MUC5AC: variants seen among roughly 807,000 people sequenced by gnomAD.
The protein encoded by MUC5AC is mucin-5AC.
A neutral mutation model predicts 169.7 loss-of-function variants in MUC5AC; 158 were observed. That is an observed-to-expected ratio of 0.93 (90% confidence interval 0.82 to 1.06). The LOEUF is 1.06. MUC5AC is among the 50% of genes least tolerant of loss of function. The pLI is 0.00. For synonymous variants in MUC5AC, 1,975 were observed against 1,237.0 expected (o/e 1.60, Z -12.52); for missense variants, 4,359 against 3,089.9 (o/e 1.41, Z -9.74).
intron 41 of MUC5AC, 127 bp from the exon 42 acceptor site, chr11:1,197,776 A>C: frequency 1.6e-6 from 1 of 632,194 alleles, no homozygotes; most frequent in Non-Finnish European, 2.9e-6. Flanking sequence ...CCGCTTCCGC[A>C]ACAGCCTCAT....
At chr11:1,158,895 C>T (rs1386821692) in intron 1 of MUC5AC, among the ~76,000 whole-genome samples, 1 of 152,218 alleles carries the variant, frequency 6.6e-6, no homozygotes, top group Non-Finnish European at 1.5e-5. Flanking sequence ...CAAGAAGAAC[C>T]CTCTCCCGGT....
rs1369749249 is a variant in MUC5AC, at chr11:1,182,625, A to G, written c.4480A>G (p.Thr1494Ala). 1.8e-5 allele frequency: 7 copies of G among 398,932 alleles called. No homozygotes were observed. Among genetic ancestry groups the G allele is most frequent in the Admixed American group, 4.4e-5 (1 of 22,706 alleles). The allele number at this position is 398,932 out of a possible 1,614,324, so 24.7% of individuals were successfully genotyped here. Residue 1494 changes from threonine (T) to alanine (A), a missense_variant, in exon 31 of 49, where the codon ACT becomes GCT. Coordinates refer to ENST00000621226, the MANE Select transcript of MUC5AC (RefSeq NM_001304359.2). Reference protein sequence around the residue: ...SSSPAQTTPPTTSKTTETRAS... With the variant: ...SSSPAQTTPPATSKTTETRAS... ...CAGTCCAGCCCAGACCACTCCTCCA[A>G]CTACCTCCAAGACCACTGAAACCCG...
chr11:1,198,163 G>T, intron 42 of MUC5AC, 105 bp from the exon 43 acceptor site: 5 of 698,572 alleles, frequency 7.2e-6, no homozygotes, highest in South Asian at 5.9e-5. Flanking sequence ...AACCCCAGTG[G>T]CGAGCCCGGG....
chr11:1,188,852 C>G lies in MUC5AC; in HGVS notation c.10707C>G (p.Cys3569Trp). Residue 3569 changes from cysteine to tryptophan, a missense_variant, in exon 31 of 49, where the codon TGC becomes TGG. Cys to Trp is a radical substitution (Grantham distance 215, BLOSUM62 -2). Transcript: ENST00000621226. Reference sequence around the variant, plus strand: ...CTGAGGAGATCACCAGGCTCCAGTGCCGAGCCAAGAGCCACCCGGAGGTGA... The same window carrying G: ...CTGAGGAGATCACCAGGCTCCAGTGGCGAGCCAAGAGCCACCCGGAGGTGA... ...RRPEEITRLQ[C>W]RAKSHPEVSI... The G allele has an allele frequency of 1.3e-6, 1 of 763,248 alleles. No homozygotes were observed. The highest frequency in any genetic ancestry group is 2.4e-6 in the Non-Finnish European group (1 of 416,910). 47.3% of individuals were successfully genotyped at this position (763,248 alleles called of 1,614,324 possible).
rs1172867158 is a variant in MUC5AC, at chr11:1,176,607, G to A, written c.2596G>A (p.Val866Met). The A allele has an allele frequency of 2.0e-5, 8 of 399,018 alleles. No homozygotes were observed. Among genetic ancestry groups the A allele is most frequent in the Admixed American group, 8.8e-5 (2 of 22,748 alleles). The allele number at this position is 399,018 out of a possible 1,614,324, so 24.7% of individuals were successfully genotyped here. The change falls in exon 21 of 49, where the codon GTG (valine) becomes ATG (methionine). Residue 866 changes from valine (V) to methionine (M), a missense_variant. Val to Met is a conservative substitution (Grantham distance 21, BLOSUM62 1). Coordinates refer to ENST00000621226, the MANE Select transcript of MUC5AC (RefSeq NM_001304359.2). ...CATCACTGCGGAGGACTGCCCCTGC[G>A]TGCACAATGAGGCCAGCTACCGGGC... ...GCITAEDCPCVHNEASYRAGQ... is the reference protein window; with the variant it reads ...GCITAEDCPCMHNEASYRAGQ...
chr11:1,180,622 C>T (rs922360196), intron 28 of MUC5AC, 106 bp downstream of exon 28: 13 of 397,966 alleles, frequency 3.3e-5, no homozygotes, highest in East Asian at 2.5e-4. Flanking sequence ...GGGACCTCCC[C>T]GTTACTGGAG....
chr11:1,186,958 C>G lies in MUC5AC; in HGVS notation c.8813C>G (p.Thr2938Ser). 1 of 735,550 alleles carries G rather than the reference C, an allele frequency of 1.4e-6. No individual in the cohort carries two copies. Among genetic ancestry groups the G allele is most frequent in the South Asian group, 1.4e-5 (1 of 70,674 alleles). The allele number at this position is 735,550 out of a possible 1,614,324, so 45.6% of individuals were successfully genotyped here. A position where few individuals can be genotyped will look rare whatever the true frequency, so the allele number is the denominator to read the frequency against. ...TTTSTISVPT[T>S]STTSVPGTTP... ...ACCAGCACAATCTCTGTTCCTACAA[C>G]CAGCACAACTTCTGTTCCTGGAACT... Residue 2938 changes from threonine (T) to serine (S), a missense_variant, in exon 31 of 49, where the codon ACC (threonine) becomes AGC (serine). Transcript: ENST00000621226.
chr11:1,174,227 G>A (rs1466197383), intron 16 of MUC5AC, among the ~76,000 whole-genome samples: 1 of 152,270 alleles, frequency 6.6e-6, no homozygotes, highest in African/African-American at 2.4e-5. Flanking sequence ...TCTGAGGCAA[G>A]CTGGTCTTGG....
rs777497677 is a variant in MUC5AC at position 1,162,062 on chromosome 11, C to T, written c.367C>T (p.Arg123Cys). The T allele has an allele frequency of 9.3e-6, 15 of 1,612,408 alleles. No homozygotes were observed. Among genetic ancestry groups the T allele is most frequent in the Middle Eastern group, 1.6e-4 (1 of 6,084 alleles). Residue 123 changes from arginine (R) to cysteine (C), a missense_variant, in exon 4 of 49, where the codon CGC becomes TGC. By Grantham distance (180) the Arg-to-Cys change is radical (BLOSUM62 -3). Coordinates refer to ENST00000621226, the MANE Select transcript of MUC5AC (RefSeq NM_001304359.2). ...CTACGAGGATTTTAACATCCAGCTA[C>T]GCCGCAGCCAGGAGTCAGCGGCCCC... Reference protein sequence around the residue: ...AAYEDFNIQLRRSQESAAPTL... With the variant: ...AAYEDFNIQLCRSQESAAPTL...
rs994313261 is a variant in MUC5AC, at chr11:1,168,380, G to A, written c.1498-103G>A. On this transcript the variant is annotated intron_variant, in intron 12 of 48. Coordinates refer to ENST00000621226, the MANE Select transcript of MUC5AC (RefSeq NM_001304359.2). Reference sequence around the variant, plus strand: ...CCACCTTGTAGGAGCCGCAGCTGCAGGGAAAGGCCTCCTAGGCACCTGCAG... The same window carrying A: ...CCACCTTGTAGGAGCCGCAGCTGCAAGGAAAGGCCTCCTAGGCACCTGCAG... 3.2e-5 allele frequency: 37 copies of A among 1,160,196 alleles called. No individual in the cohort carries two copies. In the South Asian group the frequency reaches 4.4e-4, roughly 14 times the overall value. 71.9% of individuals were successfully genotyped at this position (1,160,196 alleles called of 1,614,324 possible).
Position 1,197,958 on chromosome 11 carries a change from G to C in MUC5AC, c.16089G>C (p.Ala5363=). The C allele has an allele frequency of 1.4e-6, 1 of 736,458 alleles. No individual in the cohort carries two copies. The highest frequency in any genetic ancestry group is 2.5e-6 in the Non-Finnish European group (1 of 404,872). 45.6% of individuals were successfully genotyped at this position (736,458 alleles called of 1,614,324 possible). The part of the protein sequence containing the change: ...APVGCPEGAR[A]IPTYQEGACC... The stretch of plus-strand genomic sequence containing the variant: ...TGGGCTGTCCTGAGGGCGCCCGCGC[G>C]ATCCCGACCTACCAGGAGGGGGCCT... Residue 5363 remains alanine, a synonymous_variant, in exon 42 of 49, where the codon GCG becomes GCC. Transcript: ENST00000621226.
intron 1 of MUC5AC, among the ~76,000 whole-genome samples, chr11:1,159,016 G>A (rs941744086): frequency 1.3e-5 from 2 of 152,252 alleles, no homozygotes; most frequent in Admixed American, 6.5e-5. Flanking sequence ...GCTCCCAGGA[G>A]AGGGCGGAGC....
rs1861150480 is a variant in MUC5AC, at chr11:1,192,545, G to A, written c.14380+20G>A. Reference sequence around the variant, plus strand: ...CTGCAGGTTCGTGAGTGTTTCTGGTGCAATTGTTTCTGAGCTCACCCTGGT... The same window carrying A: ...CTGCAGGTTCGTGAGTGTTTCTGGTACAATTGTTTCTGAGCTCACCCTGGT... On this transcript the variant is annotated intron_variant, in intron 31 of 48. Coordinates refer to ENST00000621226, the MANE Select transcript of MUC5AC (RefSeq NM_001304359.2). 3 of 761,934 alleles carry A rather than the reference G, an allele frequency of 3.9e-6. No individual in the cohort carries two copies. Among genetic ancestry groups the A allele is most frequent in the Admixed American group, 1.7e-5 (1 of 58,948 alleles). 47.2% of individuals were successfully genotyped at this position (761,934 alleles called of 1,614,324 possible).
Position 1,178,662 on chromosome 11 carries a change from C to T in MUC5AC, c.3306C>T (p.Thr1102=). ...AGTGCAGCATCCTCCACGGCCCCAC[C>T]TTCGCCGCCTGCCACGCACACGTAT... The part of the protein sequence containing the change: ...QKQCSILHGP[T]FAACHAHVEP... Residue 1102 remains threonine, a synonymous_variant, in exon 25 of 49, where the codon ACC becomes ACT. Coordinates refer to ENST00000621226, the MANE Select transcript of MUC5AC (RefSeq NM_001304359.2). 5 of 1,324,096 alleles carry T rather than the reference C, an allele frequency of 3.8e-6. No individual in the cohort carries two copies. In the South Asian group the frequency reaches 1.2e-4, roughly 33 times the overall value. The allele number at this position is 1,324,096 out of a possible 1,614,324, so 82.0% of individuals were successfully genotyped here. A position where few individuals can be genotyped will look rare whatever the true frequency, so the allele number is the denominator to read the frequency against.
In MUC5AC at chr11:1,174,350, C is replaced by G. The variant is rs1860622349; in HGVS notation, c.1966-146C>G. On this transcript the variant is annotated intron_variant, in intron 16 of 48. Coordinates refer to ENST00000621226, the MANE Select transcript of MUC5AC (RefSeq NM_001304359.2). The stretch of plus-strand genomic sequence containing the variant: ...GCAATTCTGCTGAGGGGGCAGGATG[C>G]CTGTGAGGACTCACAGAGGGGTCCT... 3 of 561,152 alleles carry G rather than the reference C, an allele frequency of 5.3e-6. No homozygotes were observed. In the East Asian group the frequency reaches 9.3e-5, roughly 17 times the overall value. 34.8% of individuals were successfully genotyped at this position (561,152 alleles called of 1,614,324 possible).
At position 1,168,060 on chromosome 11, in the gene MUC5AC, C is replaced by T. The variant is rs114689050; in HGVS notation, c.1497+73C>T. ...GTCTCTTCTGCAAGTCACCTCTGCC[C>T]AAGCCCTTCATCCCTGGCATGAACA... On this transcript the variant is annotated intron_variant, in intron 12 of 48. Transcript: ENST00000621226. 4.2e-4 allele frequency: 553 copies of T among 1,302,538 alleles called. 1 individual carries two copies. The African/African-American group carries it at 7.0e-3, about 16-fold the overall frequency. 80.7% of individuals were successfully genotyped at this position (1,302,538 alleles called of 1,614,324 possible). A position where few individuals can be genotyped will look rare whatever the true frequency, so the allele number is the denominator to read the frequency against.
rs1860838607 is a variant in MUC5AC at position 1,182,481 on chromosome 11, G to A, written c.4336G>A (p.Val1446Met). The change falls in exon 31 of 49, where the codon GTG (valine) becomes ATG (methionine). Residue 1446 changes from valine to methionine, a missense_variant. Transcript: ENST00000621226. The part of the protein sequence containing the change: ...GVPLRALGQR[V>M]QCSPDVGLTC... The stretch of plus-strand genomic sequence containing the variant: ...GCCGCTCCGAGCCCTGGGGCAGCGT[G>A]TGCAGTGCAGCCCGGATGTGGGGCT... The A allele has an allele frequency of 2.5e-6, 1 of 398,720 alleles. No individual in the cohort carries two copies. The highest frequency in any genetic ancestry group is 3.6e-5 in the East Asian group (1 of 28,072). 24.7% of individuals were successfully genotyped at this position (398,720 alleles called of 1,614,324 possible).
chr11:1,162,677 A>G (rs1350072209), intron 5 of MUC5AC, 31 bp downstream of exon 5: 2 of 1,594,536 alleles, frequency 1.3e-6, no homozygotes, highest in Non-Finnish European at 1.7e-6. Flanking sequence ...CCCGGTGTGC[A>G]ACTCCAGCCC....
Position 1,163,021 on chromosome 11 carries a change from G to A in MUC5AC, c.655G>A (p.Val219Met), listed in dbSNP as rs570341518. The A allele has an allele frequency of 1.0e-4, 165 of 1,612,498 alleles. No homozygotes were observed. The highest frequency in any genetic ancestry group is 1.1e-4 in the Non-Finnish European group (134 of 1,179,824). Residue 219 changes from valine to methionine, a missense_variant, in exon 6 of 49, where the codon GTG (valine) becomes ATG (methionine). Transcript: ENST00000621226. ...GLCGDFNGMP[V>M]VSELLSHNTK... is the part of the protein sequence containing the mutation. ...CTGTGGGGACTTCAACGGGATGCCC[G>A]TGGTCAGCGAGCTCCTCTCCCACAG...
Sources: allele counts gnomAD v4.1 joint callset (sites outside exome capture counted in the v4.1 genomes callset), GRCh38; gene constraint gnomAD v4.1.1; transcripts MANE v1.5; gene names NCBI Gene and HGNC (gene_info 2026-07-23, HGNC 2026-07-21).